Variants in MTX2 observed in about 807,000 individuals in gnomAD.
The protein encoded by MTX2 is metaxin-2.
Under a neutral mutation model 42.3 loss-of-function variants are expected in MTX2, and 35 were observed. That is an observed-to-expected ratio of 0.83 (90% confidence interval 0.63 to 1.10). The LOEUF (loss-of-function observed/expected upper bound fraction) is 1.10, where lower values mean the gene tolerates loss of function less well. Ranked by LOEUF, MTX2 falls within the 50% of genes least tolerant of loss-of-function variation. The pLI, the probability that MTX2 is intolerant of heterozygous loss-of-function variation, is 0.00. For synonymous variants in MTX2, 119 were observed against 100.9 expected (o/e 1.18, Z -1.08); for missense variants, 307 against 304.1 (o/e 1.01, Z -0.07).
intron 1 of MTX2, among the ~76,000 whole-genome samples, chr2:176,292,739 C>A (rs1432144876): frequency 1.3e-5 from 2 of 152,072 alleles, no homozygotes; most frequent in Admixed American, 1.3e-4. Context: ...GATTTTTTTT[C>A]TTTCATGTCA....
At chr2:176,324,107 A>G (rs1047212778) in intron 4 of MTX2, among the ~76,000 whole-genome samples, 3 of 151,636 alleles carry the variant, frequency 2.0e-5, no homozygotes, top group African/African-American at 4.8e-5. Context: ...AATGTTATAT[A>G]TAATTATCAT....
intron 1 of MTX2, among the ~76,000 whole-genome samples, chr2:176,276,075 A>G (rs996455046): frequency 6.6e-6 from 1 of 152,258 alleles, no homozygotes; most frequent in Non-Finnish European, 1.5e-5. Flanking sequence ...TGGTGAAAAT[A>G]ATAATGTGTT....
At chr2:176,329,178 G>A (rs1413600260) in intron 7 of MTX2, 123 bp from the exon 8 acceptor site, 24 of 1,178,720 alleles carry the variant, frequency 2.0e-5, no homozygotes, top group Middle Eastern at 2.9e-4. Flanking sequence ...TGCAGGATGT[G>A]TATTTTTTTC....
chr2:176,270,905 A>ATTT (rs1692790419), intron 1 of MTX2, among the ~76,000 whole-genome samples: 2 of 152,158 alleles, frequency 1.3e-5, no homozygotes, highest in African/African-American at 4.8e-5. Context: ...TTCTGCTTTT[A>ATTT]CCATTTATGT....
chr2:176,269,455 C>A lies in MTX2; in HGVS notation c.-175C>A. 7.6e-6 allele frequency: 5 copies of A among 658,542 alleles called. No individual in the cohort carries two copies. The highest frequency in any genetic ancestry group is 9.5e-6 in the Non-Finnish European group (4 of 419,402). The allele number at this position is 658,542 out of a possible 1,614,324, so 40.8% of individuals were successfully genotyped here. A position where few individuals can be genotyped will look rare whatever the true frequency, so the allele number is the denominator to read the frequency against. ...GCTGCGCCGGAAGTCCCTAGCCAGG[C>A]CTGGCGGTAACCTTGGGGGCCTCAC... is the stretch of plus-strand genomic sequence containing the variant. On this transcript the variant is annotated 5_prime_UTR_variant, in exon 1 of 10. Transcript: ENST00000249442.
intron 9 of MTX2, among the ~76,000 whole-genome samples, chr2:176,331,195 T>C (rs1043913188): frequency 6.6e-5 from 10 of 151,204 alleles, no homozygotes; most frequent in Non-Finnish European, 1.2e-4. Context: ...TATATGTGTA[T>C]ATATGTAAGT....
chr2:176,292,159 C>T (rs368337764), intron 1 of MTX2, among the ~76,000 whole-genome samples: 17 of 152,042 alleles, frequency 1.1e-4, no homozygotes, highest in African/African-American at 3.6e-4. Context: ...TCAGTCTCAC[C>T]TTCTGTGTTT....
Position 176,337,690 on chromosome 2 carries a change from T to G in MTX2, c.*26T>G. 1.3e-6 allele frequency: 2 copies of G among 1,505,164 alleles called. No homozygotes were observed. The highest frequency in any genetic ancestry group is 8.9e-7 in the Non-Finnish European group (1 of 1,122,840). The allele number at this position is 1,505,164 out of a possible 1,614,324, so 93.2% of individuals were successfully genotyped here. Reference sequence around the variant, plus strand: ...AGTTATGTGTTAGTCTCAGGAGTCTTAACTTTTGAAATATGTTTTACTTGA... The same window carrying G: ...AGTTATGTGTTAGTCTCAGGAGTCTGAACTTTTGAAATATGTTTTACTTGA... On this transcript the variant is annotated 3_prime_UTR_variant, in exon 10 of 10. Transcript: ENST00000249442.
At position 176,328,881 on chromosome 2, in the gene MTX2, T is replaced by G; in HGVS notation, c.386T>G (p.Leu129Arg). 6.2e-7 allele frequency: 1 copy of G among 1,607,430 alleles called. No homozygotes were observed. Among genetic ancestry groups the G allele is most frequent in the Non-Finnish European group, 8.5e-7 (1 of 1,175,490 alleles). Reference protein sequence around the residue: ...NNMLLTAELYLQWCDEATVGE... With the variant: ...NNMLLTAELYRQWCDEATVGE... ...CTGTTCTTTTGTTCCTAGCTGTATC[T>G]TCAGTGGTGTGATGAAGCTACAGTA... The change falls in exon 7 of 10, where the codon CTT becomes CGT. Residue 129 changes from leucine (L) to arginine (R), a missense_variant. Leu to Arg is a moderately radical substitution (Grantham distance 102). Transcript: ENST00000249442.
intron 5 of MTX2, among the ~76,000 whole-genome samples, chr2:176,327,918 A>G (rs540682105): frequency 6.6e-6 from 1 of 151,212 alleles, no homozygotes; most frequent in South Asian, 2.1e-4. Context: ...ATATCTTTAC[A>G]AACGTATTTT....
Position 176,326,864 on chromosome 2 carries a change from C to A in MTX2, c.248C>A (p.Ser83Ter). Residue 83 changes from serine (S) to a stop codon, truncating the protein, a stop_gained, in exon 5 of 10, where the codon TCA (serine) becomes TAA (stop). Transcript: ENST00000249442. LOFTEE classifies it high-confidence loss of function. ...PFIHVGNQVV[S>*]ELGPIVQFVK... ...ATTCATGTGGGAAATCAAGTAGTATCAGAACTTGGTCCAATAGTCCAATTT... is the reference window on the plus strand; with the variant it reads ...ATTCATGTGGGAAATCAAGTAGTATAAGAACTTGGTCCAATAGTCCAATTT... 1 of 1,574,782 alleles carries A rather than the reference C, an allele frequency of 6.4e-7. No homozygotes were observed. Among genetic ancestry groups the A allele is most frequent in the South Asian group, 1.2e-5 (1 of 85,480 alleles).
rs762539940 is a variant in MTX2 at position 176,337,636 on chromosome 2, A to G, written c.764A>G (p.Glu255Gly). ...AGGAGAATTGAACAGCACTATTTTG[A>G]AGATCGTGGTAAAGGCAGGCTGTCA... Reference protein sequence around the residue: ...FCRRIEQHYFEDRGKGRLS With the variant: ...FCRRIEQHYFGDRGKGRLS The change falls in exon 10 of 10, where the codon GAA becomes GGA. Residue 255 changes from glutamate to glycine, a missense_variant. Coordinates refer to ENST00000249442, the MANE Select transcript of MTX2 (RefSeq NM_006554.5). The G allele has an allele frequency of 1.4e-5, 22 of 1,610,218 alleles. No individual in the cohort carries two copies. The South Asian group carries it at 2.4e-4, about 18-fold the overall frequency.
chr2:176,274,685 C>T (rs1202840811), intron 1 of MTX2, among the ~76,000 whole-genome samples: 1 of 152,190 alleles, frequency 6.6e-6, no homozygotes, highest in Admixed American at 6.5e-5. Flanking sequence ...GGACTAAGCA[C>T]TGGCAAGACC....
intron 3 of MTX2, among the ~76,000 whole-genome samples, chr2:176,321,928 C>T (rs1684592762): frequency 6.6e-6 from 1 of 151,206 alleles, no homozygotes; most frequent in South Asian, 2.1e-4. Context: ...ATAAGTAGTG[C>T]ACTATGAAAG....
chr2:176,301,352 AAAC>A (rs1453442824), intron 3 of MTX2, among the ~76,000 whole-genome samples: 4 of 152,110 alleles, frequency 2.6e-5, no homozygotes, highest in Non-Finnish European at 5.9e-5. Flanking sequence ...GATAAACAGA[AAAC>A]AACAACGACA....
chr2:176,282,677 T>C (rs541429397), intron 1 of MTX2, among the ~76,000 whole-genome samples: 1 of 152,102 alleles, frequency 6.6e-6, no homozygotes, highest in Non-Finnish European at 1.5e-5. Flanking sequence ...AGAGACTTTA[T>C]AGGGTACTTA....
intron 3 of MTX2, among the ~76,000 whole-genome samples, chr2:176,310,977 G>C (rs1211353774): frequency 6.6e-6 from 1 of 152,134 alleles, no homozygotes; most frequent in Non-Finnish European, 1.5e-5. Flanking sequence ...AGGAGGAGAG[G>C]CACTCTGATT....
intron 1 of MTX2, among the ~76,000 whole-genome samples, chr2:176,284,097 G>A (rs1039428893): frequency 6.6e-6 from 1 of 151,676 alleles, no homozygotes; most frequent in African/African-American, 2.4e-5. Flanking sequence ...AAAAATAATG[G>A]ATTTTTTTCT....
intron 1 of MTX2, among the ~76,000 whole-genome samples, chr2:176,279,522 T>C (rs1298338262): frequency 6.6e-6 from 1 of 152,120 alleles, no homozygotes; most frequent in Non-Finnish European, 1.5e-5. Context: ...TCTTATTTTA[T>C]AAATTTAAAA....
Sources: allele counts gnomAD v4.1 joint callset (sites outside exome capture counted in the v4.1 genomes callset), GRCh38; gene constraint gnomAD v4.1.1; transcripts MANE v1.5; gene names NCBI Gene and HGNC (gene_info 2026-07-23, HGNC 2026-07-21).